The following ITGB3BP variants were observed in gnomAD, a reference collection of about 807,000 sequenced individuals.
ITGB3BP encodes centromere protein R.
In ITGB3BP, 27 loss-of-function variants were observed where a neutral mutation model predicts 29.1. The ratio of observed to expected loss-of-function variants is 0.93; its 90% CI spans 0.68 to 1.28. ITGB3BP has a LOEUF of 1.28. ITGB3BP is among the 50% of genes most tolerant of loss of function. The pLI, the probability that ITGB3BP is intolerant of heterozygous loss-of-function variation, is 0.00. For synonymous variants in ITGB3BP, 61 were observed against 61.4 expected (o/e 0.99, Z 0.03); for missense variants, 192 against 200.2 (o/e 0.96, Z 0.25).
At chr1:63,464,964 T>A (rs373088918) in intron 4 of ITGB3BP, among the ~76,000 whole-genome samples, 103 of 152,298 alleles carry the variant, frequency 6.8e-4, no homozygotes, top group African/African-American at 2.4e-3. Flanking sequence ...CTTTAAGAAC[T>A]ATTTATGTAA....
intron 4 of ITGB3BP, among the ~76,000 whole-genome samples, chr1:63,465,403 GA>G (rs1254523549): frequency 4.6e-5 from 7 of 151,778 alleles, no homozygotes; most frequent in African/African-American, 1.7e-4. Context: ...GGTATTTATA[GA>G]TATTTTACCC....
intron 2 of ITGB3BP, among the ~76,000 whole-genome samples, chr1:63,497,686 T>C (rs898756170): frequency 1.3e-5 from 2 of 152,032 alleles, no homozygotes; most frequent in Admixed American, 6.6e-5. Flanking sequence ...TGTTTACTGA[T>C]AGAAACTAAA....
chr1:63,460,001 A>T (rs1230832127), intron 4 of ITGB3BP, among the ~76,000 whole-genome samples: 1 of 151,938 alleles, frequency 6.6e-6, no homozygotes, highest in Non-Finnish European at 1.5e-5. Context: ...TATAAATAAA[A>T]TTGACATTCT....
At chr1:63,496,276 T>G (rs1353279451) in intron 2 of ITGB3BP, among the ~76,000 whole-genome samples, 3 of 151,854 alleles carry the variant, frequency 2.0e-5, no homozygotes, top group Admixed American at 6.6e-5. Context: ...GTACTTTTGG[T>G]AGAGACAGGA....
At position 63,494,626 on chromosome 1, in the gene ITGB3BP, T is replaced by C. The variant is rs116223493; in HGVS notation, c.49-4408A>G. On this transcript the variant is annotated intron_variant, in intron 2 of 8. Coordinates refer to ENST00000271002, the MANE Select transcript of ITGB3BP (RefSeq NM_014288.5). Reference sequence around the variant, plus strand: ...TGCTAAAACTCATCGAATTATACACTCGAGATCTTTGAAATTAATAATATG... The same window carrying C: ...TGCTAAAACTCATCGAATTATACACCCGAGATCTTTGAAATTAATAATATG... 6.3e-3 allele frequency among the ~76,000 whole-genome samples: 964 copies of C among 152,214 alleles called. 11 individuals carry two copies. The highest frequency in any genetic ancestry group is 0.022 in the African/African-American group (931 of 41,524).
chr1:63,484,696 T>C (rs939967727), intron 3 of ITGB3BP, among the ~76,000 whole-genome samples: 1 of 152,120 alleles, frequency 6.6e-6, no homozygotes, highest in Non-Finnish European at 1.5e-5. Flanking sequence ...ATGTGCTTTA[T>C]TATATGGGTA....
intron 8 of ITGB3BP, among the ~76,000 whole-genome samples, chr1:63,444,632 GATATATATATATCTCCTATTACAAT>G (rs1644768668): frequency 9.5e-6 from 1 of 105,452 alleles, no homozygotes; most frequent in Non-Finnish European, 2.1e-5. Flanking sequence ...ACATATAGGA[GATATATATATATCTCCTATTACAAT>G]ATATATATAT....
At position 63,517,749 on chromosome 1, in the gene ITGB3BP, G is replaced by A. The variant is rs1646365931; in HGVS notation, c.5+5380C>T. On this transcript the variant is annotated intron_variant, in intron 1 of 8. Coordinates refer to ENST00000271002, the MANE Select transcript of ITGB3BP (RefSeq NM_014288.5). ...TGTTGTTGTTGTTTTTGTTTGTCTT[G>A]AGACAGGGTCATCCAGGCTGGAATG... Among the ~76,000 whole-genome samples the A allele has an allele frequency of 2.6e-5, 4 of 151,820 alleles. No individual in the cohort carries two copies. The South Asian group carries it at 8.4e-4, about 32-fold the overall frequency.
chr1:63,514,831 C>T (rs556449569), intron 1 of ITGB3BP, among the ~76,000 whole-genome samples: 6 of 151,408 alleles, frequency 4.0e-5, no homozygotes, highest in Admixed American at 6.6e-5. Flanking sequence ...CTGTAGTCCC[C>T]GCTACTCGGG....
intron 1 of ITGB3BP, among the ~76,000 whole-genome samples, chr1:63,515,192 A>G (rs571736370): frequency 5.3e-4 from 80 of 152,264 alleles, no homozygotes; most frequent in Non-Finnish European, 8.1e-4. Context: ...TTTGTATGTA[A>G]TATAAGGTGA....
upstream of ITGB3BP, among the ~76,000 whole-genome samples, chr1:63,527,642 A>G (rs1430586904): frequency 6.6e-6 from 1 of 152,186 alleles, no homozygotes; most frequent in Non-Finnish European, 1.5e-5. Flanking sequence ...AAACTTAATC[A>G]TTAGATCCAG....
intron 2 of ITGB3BP, among the ~76,000 whole-genome samples, chr1:63,497,264 C>G (rs36080731): frequency 6.3e-4 from 96 of 152,142 alleles, no homozygotes; most frequent in Non-Finnish European, 1.2e-3. Context: ...ATGATTATAC[C>G]ACTGCACACC....
intron 7 of ITGB3BP, among the ~76,000 whole-genome samples, chr1:63,448,767 C>T (rs1344110767): frequency 6.6e-6 from 1 of 152,096 alleles, no homozygotes; most frequent in Non-Finnish European, 1.5e-5. Context: ...TGTCTTTTTA[C>T]AGTATTTTTA....
chr1:63,492,063 A>G (rs1212573845), intron 2 of ITGB3BP, among the ~76,000 whole-genome samples: 1 of 152,062 alleles, frequency 6.6e-6, no homozygotes, highest in African/African-American at 2.4e-5. Flanking sequence ...CTGTTTTTCT[A>G]TTTTCACCAA....
intron 3 of ITGB3BP, among the ~76,000 whole-genome samples, chr1:63,488,261 T>C (rs938606178): frequency 3.9e-5 from 6 of 151,940 alleles, no homozygotes; most frequent in Admixed American, 2.6e-4. Context: ...TCAGCATGAC[T>C]GACAAATAGC....
chr1:63,486,412 T>C (rs184382744), intron 3 of ITGB3BP, among the ~76,000 whole-genome samples: 1 of 152,140 alleles, frequency 6.6e-6, no homozygotes, highest in East Asian at 1.9e-4. Context: ...TAACTACCAA[T>C]AGCCTACTGT....
chr1:63,457,740 C>G (rs963566496), intron 4 of ITGB3BP: 3 of 152,134 alleles, frequency 2.0e-5, no homozygotes, highest in Admixed American at 6.5e-5. Flanking sequence ...AATCCTTTAT[C>G]TTATAATGAC....
At position 63,510,061 on chromosome 1, in the gene ITGB3BP, G is replaced by A. The variant is rs759110429; in HGVS notation, c.6-1491C>T. The stretch of plus-strand genomic sequence containing the variant: ...AAATATTAGCCTAGCGTGGTGGTGC[G>A]TGCCTGTAATCCCAACTACTCCCAA... On this transcript the variant is annotated intron_variant, in intron 1 of 8. Coordinates refer to ENST00000271002, the MANE Select transcript of ITGB3BP (RefSeq NM_014288.5). 1.6e-3 allele frequency: 956 copies of A among 596,770 alleles called. 3 individuals carry two copies. The highest frequency in any genetic ancestry group is 1.6e-3 in the Non-Finnish European group (514 of 325,792). The allele number at this position is 596,770 out of a possible 1,614,324, so 37.0% of individuals were successfully genotyped here.
At chr1:63,464,798 A>G (rs1645072843) in intron 4 of ITGB3BP, among the ~76,000 whole-genome samples, 1 of 152,188 alleles carries the variant, frequency 6.6e-6, no homozygotes, top group African/African-American at 2.4e-5. Context: ...ACATTCTTCT[A>G]TATTTTTGCC....
Sources: allele counts gnomAD v4.1 joint callset (sites outside exome capture counted in the v4.1 genomes callset), GRCh38; gene constraint gnomAD v4.1.1; transcripts MANE v1.5; gene names NCBI Gene and HGNC (gene_info 2026-07-23, HGNC 2026-07-21).